RBM19: variants seen among roughly 807,000 people sequenced by gnomAD.
RBM19 encodes the protein RNA binding motif protein 19, also known as probable RNA-binding protein 19.
Under a neutral mutation model 116.8 loss-of-function variants are expected in RBM19, and 94 were observed. That is an observed-to-expected ratio of 0.80 (90% CI 0.68 to 0.95). The LOEUF (loss-of-function observed/expected upper bound fraction) is 0.95. Among genes scored for constraint, RBM19 ranks in the 40% least tolerant of loss-of-function variants. The pLI is 0.00. For missense variants in RBM19, 1,161 were observed against 1,220.7 expected (o/e 0.95, Z 0.73); for synonymous variants, 475 against 494.1 (o/e 0.96, Z 0.51).
chr12:113,846,477 G>C (rs1041039980), intron 22 of RBM19, among the ~76,000 whole-genome samples: 1 of 152,202 alleles, frequency 6.6e-6, no homozygotes, highest in African/African-American at 2.4e-5. Context: ...CTGGAGAACA[G>C]CAGGCCCTGA....
Position 113,948,891 on chromosome 12 carries a change from T to C in RBM19, c.1218A>G (p.Val406=). The C allele has an allele frequency of 6.2e-7, 1 of 1,614,192 alleles. No homozygotes were observed. The highest frequency in any genetic ancestry group is 8.5e-7 in the Non-Finnish European group (1 of 1,180,018). The change falls in exon 10 of 24, where the codon GTA becomes GTG. Residue 406 remains valine, a synonymous_variant. Coordinates refer to ENST00000261741, the MANE Select transcript of RBM19 (RefSeq NM_016196.4). ...CGGTGCTGGTGTAGGGCAGGTTCCG[T>C]ACAAAGAGCCTTCCGGATTCGGCCA... ...EDLAESGRLF[V]RNLPYTSTEE... is the part of the protein sequence containing the mutation.
chr12:113,827,784 G>T (rs1022595683), intron 23 of RBM19, among the ~76,000 whole-genome samples: 10 of 151,920 alleles, frequency 6.6e-5, no homozygotes, highest in Non-Finnish European at 1.5e-5. Flanking sequence ...TGCTGGGTGG[G>T]TGAGCTGCCA....
rs200023557 is a variant in RBM19 at position 113,946,427 on chromosome 12, C to T, written c.1456G>A (p.Glu486Lys). 210 of 1,614,140 alleles carry T rather than the reference C, an allele frequency of 1.3e-4. 2 individuals carry two copies. In the East Asian group the frequency reaches 4.2e-3, roughly 32 times the overall value. Residue 486 changes from glutamate (E) to lysine (K), a missense_variant, in exon 12 of 24, where the codon GAG becomes AAG. Coordinates refer to ENST00000261741, the MANE Select transcript of RBM19 (RefSeq NM_016196.4). ...GACGATCCCAGGGCACTGGCATCCT[C>T]GCTGGCTTCCTTCTTGATGGTAGAT... Reference protein sequence around the residue: ...LPSTIKKEASEDASALGSSSY... With the variant: ...LPSTIKKEASKDASALGSSSY...
intron 11 of RBM19, 30 bp downstream of exon 11, chr12:113,947,304 C>T (rs780771140): frequency 1.2e-5 from 18 of 1,558,126 alleles, no homozygotes; most frequent in Non-Finnish European, 1.6e-5. Context: ...AGCCCCACAG[C>T]CTCCTGGCCA....
intron 21 of RBM19, among the ~76,000 whole-genome samples, chr12:113,885,249 G>A (rs1880436578): frequency 2.6e-5 from 4 of 152,224 alleles, no homozygotes; most frequent in Admixed American, 2.6e-4. Context: ...CACCAGCAAT[G>A]GGACAAATCT....
At chr12:113,865,005 G>GT (rs1407937375) in intron 21 of RBM19, among the ~76,000 whole-genome samples, 1 of 152,164 alleles carries the variant, frequency 6.6e-6, no homozygotes, top group Non-Finnish European at 1.5e-5. Flanking sequence ...AGTTCTGTGT[G>GT]TATGTGCCAG....
downstream of RBM19, among the ~76,000 whole-genome samples, chr12:113,820,092 T>A (rs1874314051): frequency 6.6e-6 from 1 of 152,142 alleles, no homozygotes; most frequent in South Asian, 2.1e-4. Flanking sequence ...TGGGTGTGGT[T>A]ACTGCAGACG....
At chr12:113,836,180 G>A (rs1034965946) in intron 23 of RBM19, among the ~76,000 whole-genome samples, 2 of 152,164 alleles carry the variant, frequency 1.3e-5, no homozygotes, top group South Asian at 2.1e-4. Context: ...GGGCTGCTGC[G>A]CTGGAGATGA....
chr12:113,920,250 C>T (rs1310570796), intron 19 of RBM19, among the ~76,000 whole-genome samples: 4 of 152,182 alleles, frequency 2.6e-5, no homozygotes, highest in East Asian at 1.9e-4. Context: ...ACCCCCAACT[C>T]GCAGCTTTGT....
intron 16 of RBM19, among the ~76,000 whole-genome samples, chr12:113,936,397 G>C (rs1870066768): frequency 6.6e-6 from 1 of 152,264 alleles, no homozygotes; most frequent in Non-Finnish European, 1.5e-5. Flanking sequence ...GGGTGTTCCA[G>C]GTTGTCACAA....
At chr12:113,904,059 C>T (rs1259353985) in intron 21 of RBM19, among the ~76,000 whole-genome samples, 1 of 152,174 alleles carries the variant, frequency 6.6e-6, no homozygotes, top group East Asian at 1.9e-4. Context: ...GTCTTGGGGC[C>T]ATTCCCTTAG....
intron 21 of RBM19, among the ~76,000 whole-genome samples, chr12:113,894,970 G>A (rs1566001645): frequency 1.3e-5 from 2 of 152,200 alleles, no homozygotes; most frequent in South Asian, 2.1e-4. Flanking sequence ...AGAGGACAAG[G>A]CCCATCGCAG....
intron 18 of RBM19, among the ~76,000 whole-genome samples, chr12:113,922,788 C>CTCAGATGTG (rs1176837073): frequency 6.6e-6 from 1 of 152,182 alleles, no homozygotes; most frequent in Non-Finnish European, 1.5e-5. Context: ...CCCCCAGTAT[C>CTCAGATGTG]TCAGATGTGA....
chr12:113,856,129 C>T (rs950381015), intron 22 of RBM19, among the ~76,000 whole-genome samples: 3 of 152,108 alleles, frequency 2.0e-5, no homozygotes, highest in Non-Finnish European at 2.9e-5. Context: ...GGGCCAGTCC[C>T]GGAGAGGCTG....
At position 113,914,964 on chromosome 12, in the gene RBM19, C is replaced by G. The variant is rs1385760541; in HGVS notation, c.2558+5G>C. The G allele has an allele frequency of 2.5e-6, 4 of 1,611,246 alleles. No homozygotes were observed. In the South Asian group the frequency reaches 4.4e-5, roughly 18 times the overall value. ...AGTCCCCTGGACTAAACCTGAAGTT[C>G]TCACCTGAAGAGCTCTCGGATCTCC... On this transcript the variant is annotated splice_donor_5th_base_variant and intron_variant, in intron 21 of 23. Coordinates refer to ENST00000261741, the MANE Select transcript of RBM19 (RefSeq NM_016196.4).
intron 15 of RBM19, among the ~76,000 whole-genome samples, chr12:113,937,406 T>G (rs1870166570): frequency 6.6e-6 from 1 of 152,084 alleles, no homozygotes. Flanking sequence ...CCCCTTTGTG[T>G]TTTTTCCAAT....
At chr12:113,867,472 C>G (rs1184330352) in intron 21 of RBM19, among the ~76,000 whole-genome samples, 1 of 152,172 alleles carries the variant, frequency 6.6e-6, no homozygotes, top group South Asian at 2.1e-4. Flanking sequence ...GATTTTAAGC[C>G]GGTGGTTTTC....
Position 113,844,741 on chromosome 12 carries a change from C to T in RBM19, c.2712G>A (p.Arg904=). 5 of 1,613,652 alleles carry T rather than the reference C, an allele frequency of 3.1e-6. No individual in the cohort carries two copies. Among genetic ancestry groups the T allele is most frequent in the Non-Finnish European group, 4.2e-6 (5 of 1,179,892 alleles). The change falls in exon 23 of 24, where the codon AGG becomes AGA. Residue 904 remains arginine, a synonymous_variant. Coordinates refer to ENST00000261741, the MANE Select transcript of RBM19 (RefSeq NM_016196.4). The stretch of plus-strand genomic sequence containing the variant: ...CGGAGTCGGCCCACTCCAGCACCAG[C>T]CTCCGCCCGTACAAGTGGGTGCTGT... The part of the protein sequence containing the change: ...LCHSTHLYGR[R]LVLEWADSEV...
At chr12:113,920,376 C>T (rs1056392375) in intron 19 of RBM19, among the ~76,000 whole-genome samples, 24 of 152,224 alleles carry the variant, frequency 1.6e-4, no homozygotes, top group African/African-American at 5.8e-4. Flanking sequence ...TGGCTCACGT[C>T]AGGCCCTTGA....
Sources: gnomAD v4.1 joint callset for allele counts (sites outside exome capture counted in the v4.1 genomes callset) on GRCh38, gnomAD v4.1.1 for gene constraint, MANE v1.5 for transcripts, NCBI Gene and HGNC (gene_info 2026-07-23, HGNC 2026-07-21) for gene names.